The following SCAF8 variants were observed in gnomAD, a reference collection of about 807,000 sequenced individuals.
SCAF8 encodes SR-related CTD associated factor 8.
SCAF8 carries 23 observed loss-of-function variants against 140.5 expected under a neutral mutation model. The observed-to-expected ratio is 0.16, with a 90% confidence interval of 0.12 to 0.23. The LOEUF (loss-of-function observed/expected upper bound fraction) is 0.23. SCAF8 is among the 10% of genes least tolerant of loss of function. The pLI is 1.00. For synonymous variants in SCAF8, 575 were observed against 528.9 expected (o/e 1.09, Z -1.20); for missense variants, 1,397 against 1,555.7 (o/e 0.90, Z 1.72).
intron 1 of SCAF8, among the ~76,000 whole-genome samples, chr6:154,745,899 C>T (rs373912669): frequency 2.8e-4 from 42 of 151,614 alleles, no homozygotes; most frequent in African/African-American, 9.2e-4. Flanking sequence ...TTTTATTTGG[C>T]GACAGAGTCT....
chr6:154,806,693 A>G (rs1046979947), intron 9 of SCAF8, among the ~76,000 whole-genome samples: 1 of 152,218 alleles, frequency 6.6e-6, no homozygotes, highest in Non-Finnish European at 1.5e-5. Context: ...ACAGTAATAT[A>G]AAATGGATGT....
chr6:154,760,150 C>A (rs1032311292), intron 1 of SCAF8, among the ~76,000 whole-genome samples: 3 of 151,876 alleles, frequency 2.0e-5, no homozygotes, highest in Non-Finnish European at 4.4e-5. Flanking sequence ...AAAAATTAGC[C>A]AGATGTAGTG....
chr6:154,816,950 T>C (rs1407848482), intron 13 of SCAF8, among the ~76,000 whole-genome samples: 3 of 152,226 alleles, frequency 2.0e-5, no homozygotes, highest in South Asian at 2.1e-4. Flanking sequence ...AAAAGATGAT[T>C]GGTTATGGAT....
intron 1 of SCAF8, among the ~76,000 whole-genome samples, chr6:154,755,153 G>A (rs955129376): frequency 1.3e-5 from 2 of 151,830 alleles, no homozygotes; most frequent in African/African-American, 2.4e-5. Context: ...TATCCTCATC[G>A]CTTCTCCTTT....
chr6:154,791,501 C>T (rs1777416934), intron 4 of SCAF8, among the ~76,000 whole-genome samples: 1 of 152,060 alleles, frequency 6.6e-6, no homozygotes, highest in Non-Finnish European at 1.5e-5. Context: ...CCAAGATGCT[C>T]AAAATTTGAG....
chr6:154,805,090 A>G (rs1583051425), intron 8 of SCAF8, among the ~76,000 whole-genome samples: 3 of 152,174 alleles, frequency 2.0e-5, no homozygotes. Flanking sequence ...AAAAAGCAGT[A>G]ATTTATATGT....
intron 5 of SCAF8, among the ~76,000 whole-genome samples, chr6:154,793,803 A>G (rs964613262): frequency 6.8e-6 from 1 of 147,458 alleles, no homozygotes; most frequent in Non-Finnish European, 1.5e-5. Context: ...CAACAAGAGC[A>G]AAACTCTGTC....
chr6:154,827,058 T>C, intron 17 of SCAF8, 114 bp from the exon 18 acceptor site: 1 of 783,560 alleles, frequency 1.3e-6, no homozygotes, highest in South Asian at 1.8e-5. Context: ...TATATAAATA[T>C]GAGGTTGTAG....
intron 3 of SCAF8, among the ~76,000 whole-genome samples, chr6:154,783,282 T>A (rs149508182): frequency 6.6e-6 from 1 of 152,346 alleles, no homozygotes; most frequent in African/African-American, 2.4e-5. Flanking sequence ...AGATTCAGAA[T>A]AAGATCGAAT....
intron 12 of SCAF8, among the ~76,000 whole-genome samples, chr6:154,813,063 G>A (rs894822627): frequency 1.3e-5 from 2 of 151,506 alleles, no homozygotes; most frequent in Non-Finnish European, 2.9e-5. Flanking sequence ...AAATTAGTTC[G>A]GCAAGGTGGT....
chr6:154,827,719 T>A lies in SCAF8; in HGVS notation c.2140+479T>A, dbSNP rs565979476. ...AGGCTTGCTTAGATTCCGGTTCACCTGTTTTAGCAAGAATACTTGAGAAGC... is the reference window on the plus strand; with the variant it reads ...AGGCTTGCTTAGATTCCGGTTCACCAGTTTTAGCAAGAATACTTGAGAAGC... On this transcript the variant is annotated intron_variant, in intron 18 of 19. Transcript: ENST00000367178. 5.9e-5 allele frequency among the ~76,000 whole-genome samples: 9 copies of A among 152,194 alleles called. No homozygotes were observed. In the East Asian group the frequency reaches 1.7e-3, roughly 29 times the overall value.
rs140210596 is a variant in SCAF8 at position 154,833,126 on chromosome 6, A to T, written c.3547A>T (p.Ile1183Phe). The change falls in exon 20 of 20, where the codon ATT becomes TTT. Residue 1183 changes from isoleucine (I) to phenylalanine (F), a missense_variant. Around this residue, in one of 5 missense-constraint regions of SCAF8, gnomAD observed 930 missense variants for 874.6 expected, o/e 1.06. Transcript: ENST00000367178. ...TGGAAATCGTCTTGGACGAGACAGA[A>T]TTCAAAACACTTGGGTTCCCCCTCC... ...MNGNRLGRDR[I>F]QNTWVPPPHA... The T allele has an allele frequency of 3.7e-6, 6 of 1,614,012 alleles. No individual in the cohort carries two copies. In the African/African-American group the frequency reaches 6.7e-5, roughly 18 times the overall value.
intron 6 of SCAF8, among the ~76,000 whole-genome samples, chr6:154,800,537 AC>A (rs1300216441): frequency 6.6e-6 from 1 of 151,538 alleles, no homozygotes; most frequent in Non-Finnish European, 1.5e-5. Flanking sequence ...ATCACCAGGG[AC>A]TTTTTAATGT....
chr6:154,759,894 C>T (rs978069120), intron 1 of SCAF8, among the ~76,000 whole-genome samples: 3 of 152,148 alleles, frequency 2.0e-5, no homozygotes, highest in African/African-American at 7.2e-5. Context: ...TAGTCTTGAT[C>T]TCCTGATCTT....
At chr6:154,815,217 A>G (rs1778212403) in intron 12 of SCAF8, among the ~76,000 whole-genome samples, 2 of 152,174 alleles carry the variant, frequency 1.3e-5, no homozygotes, top group African/African-American at 2.4e-5. Context: ...GAATGGCATG[A>G]ACCTGGGAGG....
At chr6:154,812,448 C>G (rs1778125247) in intron 12 of SCAF8, among the ~76,000 whole-genome samples, 1 of 151,958 alleles carries the variant, frequency 6.6e-6, no homozygotes, top group Non-Finnish European at 1.5e-5. Context: ...GTGCCTTAAC[C>G]TTACTGTGAT....
At chr6:154,809,100 C>A (rs1049116814) in intron 11 of SCAF8, among the ~76,000 whole-genome samples, 7 of 151,994 alleles carry the variant, frequency 4.6e-5, no homozygotes, top group Non-Finnish European at 8.8e-5. Context: ...TGCCCCTGAA[C>A]AACAGTTAAG....
Position 154,790,489 on chromosome 6 carries a change from A to ATTTTTTTTTTTTTTTT in SCAF8, c.322-2310_322-2295dup, listed in dbSNP as rs57095332. Among the ~76,000 whole-genome samples the ATTTTTTTTTTTTTTTT allele has an allele frequency of 2.8e-4, 20 of 70,880 alleles. 2 individuals are homozygous for ATTTTTTTTTTTTTTTT. The highest frequency in any genetic ancestry group is 4.5e-4 in the Non-Finnish European group (17 of 37,998). 46.5% of individuals were successfully genotyped at this position (70,880 alleles called of 152,430 possible). On this transcript the variant is annotated intron_variant, in intron 4 of 19. Coordinates refer to ENST00000367178, the MANE Select transcript of SCAF8 (RefSeq NM_014892.5). ...TTGTAAAACATATACATTTAACAGA[A>ATTTTTTTTTTTTTTTT]TTTTTTTTTTTTTTTTTTTTTTTTT...
chr6:154,735,455 T>A (rs1035460889), intron 1 of SCAF8, among the ~76,000 whole-genome samples: 8 of 152,112 alleles, frequency 5.3e-5, no homozygotes, highest in African/African-American at 1.4e-4. Context: ...AAGCATTTTC[T>A]TTTTTAATAC....
Sources: allele counts gnomAD v4.1 joint callset (sites outside exome capture counted in the v4.1 genomes callset), GRCh38; gene constraint gnomAD v4.1.1; regional missense constraint gnomAD v4.1.1; transcripts MANE v1.5; gene names NCBI Gene and HGNC (gene_info 2026-07-23, HGNC 2026-07-21).